The following PIP4K2A variants were observed in gnomAD, a reference collection of about 807,000 sequenced individuals.
PIP4K2A encodes phosphatidylinositol-5-phosphate 4-kinase type 2 alpha.
In PIP4K2A, 14 loss-of-function variants were observed where a neutral mutation model predicts 42.9. That is an observed-to-expected ratio of 0.33 (90% confidence interval 0.22 to 0.51). PIP4K2A has a LOEUF of 0.51. Ranked by LOEUF, PIP4K2A falls within the 20% of genes least tolerant of loss-of-function variation. PIP4K2A has a pLI of 0.97. For synonymous variants in PIP4K2A, 192 were observed against 192.2 expected (o/e 1.00, Z 0.01); for missense variants, 434 against 519.8 (o/e 0.83, Z 1.61).
At chr10:22,555,141 C>T (rs868831224) in intron 6 of PIP4K2A, among the ~76,000 whole-genome samples, 3 of 152,170 alleles carry the variant, frequency 2.0e-5, no homozygotes, top group Non-Finnish European at 4.4e-5. Flanking sequence ...GAGTGATGCC[C>T]GACCCCAGGT....
intron 1 of PIP4K2A, among the ~76,000 whole-genome samples, chr10:22,637,433 G>A (rs569551748): frequency 3.2e-4 from 48 of 152,322 alleles, no homozygotes; most frequent in African/African-American, 1.1e-3. Flanking sequence ...AAGACCAGAA[G>A]CTAGACCTGC....
intron 1 of PIP4K2A, among the ~76,000 whole-genome samples, chr10:22,668,949 T>C (rs1344909822): frequency 6.6e-6 from 1 of 152,224 alleles, no homozygotes; most frequent in African/African-American, 2.4e-5. Flanking sequence ...AATTTTCTGT[T>C]TTAATACATT....
chr10:22,537,404 G>C (rs1835962614), intron 9 of PIP4K2A, 123 bp from the exon 10 acceptor site: 7 of 711,700 alleles, frequency 9.8e-6, no homozygotes, highest in Middle Eastern at 5.3e-4. Flanking sequence ...TCAAATCCAT[G>C]CAGTCTCTGC....
At position 22,601,503 on chromosome 10, in the gene PIP4K2A, G is replaced by A. The variant is rs114825392; in HGVS notation, c.339+6424C>T. Among the ~76,000 whole-genome samples the A allele has an allele frequency of 5.8e-3, 878 of 152,290 alleles. 5 individuals carry two copies. Among genetic ancestry groups the A allele is most frequent in the African/African-American group, 0.02 (828 of 41,548 alleles). On this transcript the variant is annotated intron_variant, in intron 3 of 9. Transcript: ENST00000376573. ...CTCCCTTGGGTCTCAGCCTCAGTGC[G>A]TCTCTGAGCAGGGTGGAGTTTCCTT...
At chr10:22,567,792 G>T in intron 6 of PIP4K2A, 59 bp downstream of exon 6, 2 of 1,356,880 alleles carry the variant, frequency 1.5e-6, no homozygotes, top group Non-Finnish European at 2.1e-6. Flanking sequence ...GAGTAAAGGT[G>T]ATTGGGAGTA....
intron 4 of PIP4K2A, among the ~76,000 whole-genome samples, chr10:22,579,044 G>A (rs1311488634): frequency 6.6e-6 from 1 of 152,016 alleles, no homozygotes; most frequent in African/African-American, 2.4e-5. Context: ...CGATGGCCAC[G>A]ACAAATGAAG....
intron 2 of PIP4K2A, among the ~76,000 whole-genome samples, chr10:22,608,360 G>C (rs906366654): frequency 6.6e-6 from 1 of 152,186 alleles, no homozygotes; most frequent in Non-Finnish European, 1.5e-5. Flanking sequence ...AATGGCGGGA[G>C]AGTGAGTTAG....
intron 7 of PIP4K2A, 56 bp from the exon 8 acceptor site, chr10:22,542,103 T>C: frequency 2.7e-6 from 4 of 1,496,598 alleles, no homozygotes; most frequent in Non-Finnish European, 3.6e-6. Context: ...AAAGCCAACA[T>C]TTAAAGGAGA....
intron 3 of PIP4K2A, among the ~76,000 whole-genome samples, chr10:22,595,915 G>T (rs987782455): frequency 1.3e-5 from 2 of 152,000 alleles, no homozygotes; most frequent in African/African-American, 2.4e-5. Flanking sequence ...TCTAAAAATG[G>T]ATTTACTCAG....
chr10:22,683,625 A>G (rs1470708748), intron 1 of PIP4K2A, among the ~76,000 whole-genome samples: 1 of 152,112 alleles, frequency 6.6e-6, no homozygotes, highest in Non-Finnish European at 1.5e-5. Flanking sequence ...TTCCCCCTCA[A>G]GCAGCAACTG....
chr10:22,667,124 A>G (rs1282784956), intron 1 of PIP4K2A, among the ~76,000 whole-genome samples: 1 of 152,258 alleles, frequency 6.6e-6, no homozygotes, highest in Admixed American at 6.5e-5. Context: ...AGTCAGAAAA[A>G]TATTTGCCCT....
chr10:22,543,984 G>T (rs1245919197), intron 7 of PIP4K2A, among the ~76,000 whole-genome samples: 1 of 152,138 alleles, frequency 6.6e-6, no homozygotes, highest in Non-Finnish European at 1.5e-5. Context: ...TCCAAGGAGG[G>T]GTGAATTCAG....
In PIP4K2A at chr10:22,652,207, T is replaced by C. The variant is rs192105615; in HGVS notation, c.145-42490A>G. 3.1e-3 allele frequency among the ~76,000 whole-genome samples: 469 copies of C among 152,022 alleles called. 9 individuals carry two copies. Among genetic ancestry groups the C allele is most frequent in the South Asian group, 0.014 (69 of 4,814 alleles). On this transcript the variant is annotated intron_variant, in intron 1 of 9. Transcript: ENST00000376573. Reference sequence around the variant, plus strand: ...GTCTTGGCTCACTGCAACCTCTGCCTCCTAGGTTCAAGCCAAGCGATTCTC... The same window carrying C: ...GTCTTGGCTCACTGCAACCTCTGCCCCCTAGGTTCAAGCCAAGCGATTCTC...
At chr10:22,635,847 G>A (rs190302796) in intron 1 of PIP4K2A, among the ~76,000 whole-genome samples, 23 of 152,268 alleles carry the variant, frequency 1.5e-4, no homozygotes, top group African/African-American at 5.5e-4. Context: ...CCTTGAGAGT[G>A]GAAGAGTGGT....
chr10:22,544,929 A>C (rs1836225243), intron 7 of PIP4K2A, among the ~76,000 whole-genome samples: 1 of 152,188 alleles, frequency 6.6e-6, no homozygotes, highest in African/African-American at 2.4e-5. Flanking sequence ...CTGGGTGTTT[A>C]GGGCACCGCA....
intron 1 of PIP4K2A, among the ~76,000 whole-genome samples, chr10:22,697,580 C>T (rs1384073765): frequency 2.6e-5 from 4 of 151,994 alleles, no homozygotes; most frequent in Admixed American, 1.3e-4. Flanking sequence ...TAAAAATTAG[C>T]GGGGTATGGT....
chr10:22,596,846 C>T (rs761073877), intron 3 of PIP4K2A, among the ~76,000 whole-genome samples: 2 of 152,220 alleles, frequency 1.3e-5, no homozygotes, highest in Non-Finnish European at 2.9e-5. Flanking sequence ...CATGGAGGGC[C>T]CTGCAGGGGC....
intron 4 of PIP4K2A, among the ~76,000 whole-genome samples, chr10:22,575,055 C>A (rs1309475733): frequency 1.3e-5 from 2 of 152,086 alleles, no homozygotes; most frequent in Non-Finnish European, 2.9e-5. Context: ...GGGCAAGTTA[C>A]CAAATCACTC....
chr10:22,631,602 A>G (rs1282345935), intron 1 of PIP4K2A, among the ~76,000 whole-genome samples: 1 of 152,188 alleles, frequency 6.6e-6, no homozygotes, highest in Non-Finnish European at 1.5e-5. Flanking sequence ...GCAGACTAAT[A>G]CAGTAGCCAT....
Sources: gnomAD v4.1 joint callset for allele counts (sites outside exome capture counted in the v4.1 genomes callset) on GRCh38, gnomAD v4.1.1 for gene constraint, MANE v1.5 for transcripts, NCBI Gene and HGNC (gene_info 2026-07-23, HGNC 2026-07-21) for gene names.